HELZ: variants seen among roughly 807,000 people sequenced by gnomAD.
HELZ encodes the protein helicase with zinc finger, also known as ATP-dependent RNA helicase with zinc finger domain.
In HELZ, 23 loss-of-function variants were observed where a neutral mutation model predicts 218.2. That is an observed-to-expected ratio of 0.11 (90% CI 0.08 to 0.15). The LOEUF (loss-of-function observed/expected upper bound fraction) is 0.15, where lower values mean the gene tolerates loss of function less well. Among genes scored for constraint, HELZ ranks in the 10% least tolerant of loss-of-function variants. The pLI is 1.00. For synonymous variants in HELZ, 814 were observed against 829.4 expected, an observed-to-expected ratio of 0.98 and a Z score of 0.32; for missense variants, 1,813 against 2,353.7, an observed-to-expected ratio of 0.77 and a Z score of 4.75.
chr17:67,224,276 G>C (rs1339604493), intron 3 of HELZ: 1 of 158,310 alleles, frequency 6.3e-6, no homozygotes, highest in Non-Finnish European at 1.4e-5. Flanking sequence ...ACAGGGGGTT[G>C]AATATACCGC....
chr17:67,211,980 G>A (rs942895917), intron 5 of HELZ, among the ~76,000 whole-genome samples: 8 of 152,150 alleles, frequency 5.3e-5, no homozygotes, highest in African/African-American at 1.9e-4. Context: ...GTCAGAAGCT[G>A]CAAGTGGAGA....
intron 3 of HELZ, among the ~76,000 whole-genome samples, chr17:67,220,839 TTAA>T: frequency 7.0e-6 from 1 of 143,180 alleles, no homozygotes; most frequent in South Asian, 2.2e-4. Context: ...AATTGTGTTA[TTAA>T]GATAACTCCC....
intron 13 of HELZ, among the ~76,000 whole-genome samples, chr17:67,172,161 T>C (rs1459228193): frequency 6.6e-6 from 1 of 152,146 alleles, no homozygotes; most frequent in African/African-American, 2.4e-5. Flanking sequence ...TGACAAATCT[T>C]ACCTGTTTTT....
At chr17:67,155,716 A>C (rs1000724760) in intron 17 of HELZ, among the ~76,000 whole-genome samples, 1 of 152,092 alleles carries the variant, frequency 6.6e-6, no homozygotes, top group African/African-American at 2.4e-5. Context: ...GTGTGCCTGT[A>C]ATTCCAGCTA....
chr17:67,164,111 A>G (rs957285135), intron 15 of HELZ, among the ~76,000 whole-genome samples: 2 of 152,226 alleles, frequency 1.3e-5, no homozygotes, highest in Admixed American at 6.5e-5. Context: ...CCGAATATGA[A>G]TAATATGTAA....
At chr17:67,088,736 T>C (rs1018158996) in intron 31 of HELZ, among the ~76,000 whole-genome samples, 3 of 152,252 alleles carry the variant, frequency 2.0e-5, no homozygotes, top group Non-Finnish European at 4.4e-5. Flanking sequence ...TCTCAATTCA[T>C]CTTTAATTTT....
intron 5 of HELZ, among the ~76,000 whole-genome samples, chr17:67,214,963 T>C (rs897889657): frequency 1.3e-5 from 2 of 152,050 alleles, no homozygotes; most frequent in Admixed American, 6.5e-5. Flanking sequence ...CTGAGCAACA[T>C]GGTAAAACCA....
chr17:67,234,467 T>TA (rs998907815), intron 3 of HELZ, among the ~76,000 whole-genome samples: 3 of 151,980 alleles, frequency 2.0e-5, no homozygotes, highest in Non-Finnish European at 4.4e-5. Flanking sequence ...CGCCCTCACT[T>TA]AGACTACTAT....
At chr17:67,209,456 G>A in intron 5 of HELZ, among the ~76,000 whole-genome samples, 1 of 152,086 alleles carries the variant, frequency 6.6e-6, no homozygotes, top group East Asian at 1.9e-4. Context: ...AAATTAGCCG[G>A]GAATGGTGGT....
At chr17:67,092,854 A>C (rs966328447) in intron 31 of HELZ, among the ~76,000 whole-genome samples, 1 of 149,678 alleles carries the variant, frequency 6.7e-6, no homozygotes, top group Non-Finnish European at 1.5e-5. Context: ...AATCCCAGCT[A>C]CTTGAGAGGC....
chr17:67,156,496 C>T (rs1357866889), intron 17 of HELZ, among the ~76,000 whole-genome samples: 1 of 152,082 alleles, frequency 6.6e-6, no homozygotes, highest in African/African-American at 2.4e-5. Flanking sequence ...CATGGCTTAC[C>T]CTCCATCTAA....
intron 31 of HELZ, among the ~76,000 whole-genome samples, chr17:67,103,696 CT>C (rs912229017): frequency 6.6e-6 from 1 of 152,120 alleles, no homozygotes; most frequent in African/African-American, 2.4e-5. Context: ...TAAAGCAATT[CT>C]TTTTTTAAAT....
At chr17:67,093,053 A>C (rs918765063) in intron 31 of HELZ, among the ~76,000 whole-genome samples, 2 of 152,230 alleles carry the variant, frequency 1.3e-5, no homozygotes, top group Admixed American at 6.5e-5. Flanking sequence ...AAGTTGAAAA[A>C]AGGGAGGCCC....
chr17:67,217,874 T>C (rs1389697558), intron 4 of HELZ, among the ~76,000 whole-genome samples: 2 of 152,058 alleles, frequency 1.3e-5, no homozygotes, highest in Non-Finnish European at 2.9e-5. Flanking sequence ...TTTCATGCGG[T>C]TACTACCTTT....
intron 28 of HELZ, 26 bp from the exon 29 acceptor site, chr17:67,109,712 T>A: frequency 6.4e-7 from 1 of 1,550,604 alleles, no homozygotes; most frequent in Non-Finnish European, 8.8e-7. Context: ...AAGCCTTTTT[T>A]AACTGCAGAA....
At chr17:67,136,415 C>T (rs2038152312) in intron 22 of HELZ, among the ~76,000 whole-genome samples, 1 of 152,158 alleles carries the variant, frequency 6.6e-6, no homozygotes, top group Non-Finnish European at 1.5e-5. Context: ...AGGCAGAGAA[C>T]TACCATATGA....
chr17:67,140,559 C>T (rs1392727058), intron 21 of HELZ, among the ~76,000 whole-genome samples: 2 of 152,126 alleles, frequency 1.3e-5, no homozygotes, highest in East Asian at 1.9e-4. Flanking sequence ...AAAAGTAATG[C>T]AGAAAAAATA....
rs930382066 is a variant in HELZ at position 67,076,083 on chromosome 17, G to A, written c.*2169C>T. ...TTAGGCAATAACCTCATGACAAGGG[G>A]TCAACTGAAAGCCCTGACTTGACAA... is the stretch of plus-strand genomic sequence containing the variant. On this transcript the variant is annotated 3_prime_UTR_variant, in exon 33 of 33. Transcript: ENST00000358691. 6.6e-5 allele frequency: 10 copies of A among 152,498 alleles called. No individual in the cohort carries two copies. Among genetic ancestry groups the A allele is most frequent in the African/African-American group, 2.4e-4 (10 of 41,420 alleles). The allele number at this position is 152,498 out of a possible 1,614,324, so 9.4% of individuals were successfully genotyped here.
At chr17:67,242,412 CA>C (rs57142727) in intron 2 of HELZ, among the ~76,000 whole-genome samples, 30,627 of 92,352 alleles carry the variant, frequency 0.33, 5,639 homozygotes, top group African/African-American at 0.58. Flanking sequence ...AACTCTGTCT[CA>C]AAAAAAAAAA....
Sources: gnomAD v4.1 joint callset for allele counts (sites outside exome capture counted in the v4.1 genomes callset) on GRCh38, gnomAD v4.1.1 for gene constraint, MANE v1.5 for transcripts, NCBI Gene and HGNC (gene_info 2026-07-23, HGNC 2026-07-21) for gene names.